Variants in ZCCHC17 observed in about 807,000 individuals in gnomAD.
ZCCHC17 encodes the protein zinc finger CCHC domain-containing protein 17.
In ZCCHC17, 18 loss-of-function variants were observed where a neutral mutation model predicts 30.6. The ratio of observed to expected loss-of-function variants is 0.59; its 90% CI spans 0.41 to 0.87. The LOEUF is 0.87. Among genes scored for constraint, ZCCHC17 ranks in the 40% least tolerant of loss-of-function variants. The pLI is 0.00. For synonymous variants in ZCCHC17, 88 were observed against 92.4 expected (o/e 0.95, Z 0.27); for missense variants, 263 against 284.2 (o/e 0.93, Z 0.54).
chr1:31,351,588 G>A (rs1040927530), intron 7 of ZCCHC17, among the ~76,000 whole-genome samples: 11 of 151,910 alleles, frequency 7.2e-5, no homozygotes, highest in African/African-American at 2.4e-4. Flanking sequence ...AAAACATAGA[G>A]AAAATTAGCT....
intron 3 of ZCCHC17, among the ~76,000 whole-genome samples, chr1:31,334,333 CTCTCTGTGTGTG>C (rs1219386005): frequency 0.016 from 957 of 60,682 alleles, 13 homozygotes; most frequent in African/African-American, 0.057. Context: ...CTCTCTCTCT[CTCTCTGTGTGTG>C]TGTGTGTGTG....
intron 5 of ZCCHC17, among the ~76,000 whole-genome samples, chr1:31,346,150 C>T (rs1639263107): frequency 6.6e-6 from 1 of 152,134 alleles, no homozygotes; most frequent in Admixed American, 6.5e-5. Flanking sequence ...AGTGGGGAAA[C>T]AGAGCATTTC....
chr1:31,341,551 T>G (rs1639048030), intron 5 of ZCCHC17, among the ~76,000 whole-genome samples: 1 of 152,164 alleles, frequency 6.6e-6, no homozygotes, highest in Non-Finnish European at 1.5e-5. Context: ...TTTTTAGTAA[T>G]AATCAAGTGG....
At chr1:31,316,057 G>A (rs1276047939) in intron 2 of ZCCHC17, among the ~76,000 whole-genome samples, 2 of 152,172 alleles carry the variant, frequency 1.3e-5, no homozygotes, top group Non-Finnish European at 2.9e-5. Flanking sequence ...TTATAGCAGT[G>A]AGGTGAATTT....
At chr1:31,321,828 T>C (rs1646868308) in intron 3 of ZCCHC17, among the ~76,000 whole-genome samples, 1 of 152,226 alleles carries the variant, frequency 6.6e-6, no homozygotes, top group African/African-American at 2.4e-5. Context: ...TTCTCATATA[T>C]TCTGGATACT....
intron 3 of ZCCHC17, among the ~76,000 whole-genome samples, chr1:31,321,695 G>A (rs986566898): frequency 1.3e-5 from 2 of 152,152 alleles, no homozygotes; most frequent in African/African-American, 4.8e-5. Flanking sequence ...TTGAACTCCT[G>A]TCCTCCAGTA....
intron 1 of ZCCHC17, 37 bp downstream of exon 1, chr1:31,297,112 A>G: frequency 2.4e-6 from 1 of 415,778 alleles, no homozygotes. Context: ...TGGCTGCCTG[A>G]GTCTGGAGGC....
chr1:31,315,256 G>C (rs1646705013), intron 2 of ZCCHC17, among the ~76,000 whole-genome samples: 1 of 152,140 alleles, frequency 6.6e-6, no homozygotes, highest in Non-Finnish European at 1.5e-5. Flanking sequence ...CTTGTACATA[G>C]TAGATAGGTG....
At position 31,338,896 on chromosome 1, in the gene ZCCHC17, T is replaced by C. The variant is rs978282930; in HGVS notation, c.226-61T>C. The C allele has an allele frequency of 1.5e-5, 17 of 1,130,760 alleles. 1 individual carries two copies. The highest frequency in any genetic ancestry group is 2.2e-5 in the Non-Finnish European group (17 of 769,608). 70.0% of individuals were successfully genotyped at this position (1,130,760 alleles called of 1,614,324 possible). On this transcript the variant is annotated intron_variant, in intron 4 of 7. Transcript: ENST00000344147. ...TGATGAAAACGTTGACTCTTAATTT[T>C]AGACTGGCCATCTAAATGATGTATT... is the stretch of plus-strand genomic sequence containing the variant.
intron 2 of ZCCHC17, among the ~76,000 whole-genome samples, chr1:31,310,476 G>T (rs1459851160): frequency 6.6e-6 from 1 of 152,232 alleles, no homozygotes; most frequent in Admixed American, 6.5e-5. Context: ...GTGCATCAAC[G>T]TTGGGAGGTA....
intron 2 of ZCCHC17, among the ~76,000 whole-genome samples, chr1:31,311,479 A>G (rs1646599863): frequency 6.6e-6 from 1 of 152,218 alleles, no homozygotes; most frequent in Non-Finnish European, 1.5e-5. Flanking sequence ...CTATAACAAA[A>G]TACCTGAGAT....
At chr1:31,318,461 A>G (rs2148426595) in intron 2 of ZCCHC17, among the ~76,000 whole-genome samples, 1 of 152,272 alleles carries the variant, frequency 6.6e-6, no homozygotes, top group East Asian at 1.9e-4. Context: ...CTCTAACTTC[A>G]TCTTAGACAA....
At chr1:31,338,475 G>A (rs1393045054) in intron 4 of ZCCHC17, among the ~76,000 whole-genome samples, 1 of 152,144 alleles carries the variant, frequency 6.6e-6, no homozygotes, top group Non-Finnish European at 1.5e-5. Context: ...GAGAATAACT[G>A]ATGCAAAGAC....
intron 2 of ZCCHC17, among the ~76,000 whole-genome samples, chr1:31,313,068 CTTTTTTTTTT>C (rs59004055): frequency 1.8e-5 from 2 of 113,486 alleles, no homozygotes; most frequent in African/African-American, 3.4e-5. Context: ...CACTGGGCCT[CTTTTTTTTTT>C]TTTTTTTTTT....
At chr1:31,307,320 G>A (rs1357819840) in intron 1 of ZCCHC17, among the ~76,000 whole-genome samples, 1 of 151,966 alleles carries the variant, frequency 6.6e-6, no homozygotes, top group Non-Finnish European at 1.5e-5. Context: ...TTCTACAAGA[G>A]GTATAAATCT....
chr1:31,364,277 G>A lies in ZCCHC17; in HGVS notation c.*84G>A. 6.7e-7 allele frequency: 1 copy of A among 1,490,702 alleles called. No homozygotes were observed. 92.3% of individuals were successfully genotyped at this position (1,490,702 alleles called of 1,614,324 possible). ...GACTCCTGGAAAGACTCAATAGTGA[G>A]AATATAGCCTCCCACCCCATTAACT... is the stretch of plus-strand genomic sequence containing the variant. On this transcript the variant is annotated 3_prime_UTR_variant, in exon 8 of 8. Coordinates refer to ENST00000344147, the MANE Select transcript of ZCCHC17 (RefSeq NM_016505.4).
chr1:31,350,252 G>T (rs994463727), intron 7 of ZCCHC17, among the ~76,000 whole-genome samples: 2 of 152,122 alleles, frequency 1.3e-5, no homozygotes, highest in African/African-American at 4.8e-5. Flanking sequence ...CTTTTGTTGA[G>T]GGGTCATTTT....
chr1:31,348,703 C>T, intron 6 of ZCCHC17, 126 bp from the exon 7 acceptor site: 1 of 1,153,122 alleles, frequency 8.7e-7, no homozygotes, highest in Non-Finnish European at 1.3e-6. Flanking sequence ...CAAACAGCTG[C>T]TTTGAATGAA....
chr1:31,364,400 C>T lies in ZCCHC17; in HGVS notation c.*207C>T. 1 of 819,160 alleles carries T rather than the reference C, an allele frequency of 1.2e-6. No individual in the cohort carries two copies. The highest frequency in any genetic ancestry group is 1.8e-6 in the Non-Finnish European group (1 of 548,476). 50.7% of individuals were successfully genotyped at this position (819,160 alleles called of 1,614,324 possible). On this transcript the variant is annotated 3_prime_UTR_variant, in exon 8 of 8. Coordinates refer to ENST00000344147, the MANE Select transcript of ZCCHC17 (RefSeq NM_016505.4). ...TGAATGAGTTGTTGTTTCCTTATCA[C>T]TCCTGGTCCCTTTGCAAGTGAACCC...
Sources: gnomAD v4.1 joint callset for allele counts (sites outside exome capture counted in the v4.1 genomes callset) on GRCh38, gnomAD v4.1.1 for gene constraint, MANE v1.5 for transcripts, NCBI Gene and HGNC (gene_info 2026-07-23, HGNC 2026-07-21) for gene names.